Variants in ASPH observed in about 807,000 individuals in gnomAD.
ASPH encodes aspartyl/asparaginyl beta-hydroxylase.
A neutral mutation model predicts 118.4 loss-of-function variants in ASPH; 100 were observed. That is an observed-to-expected ratio of 0.84 (90% confidence interval 0.72 to 1.00). The LOEUF (loss-of-function observed/expected upper bound fraction) is 1.00. ASPH is among the 50% of genes least tolerant of loss of function. The pLI, the probability that ASPH is intolerant of heterozygous loss-of-function variation, is 0.00. For missense variants in ASPH, 920 were observed against 919.5 expected (o/e 1.00, Z -0.01); for synonymous variants, 315 against 325.6 (o/e 0.97, Z 0.35).
chr8:61,664,365 T>C (rs879815788), intron 3 of ASPH: 1 of 975,228 alleles, frequency 1.0e-6, no homozygotes, highest in Non-Finnish European at 1.2e-6. Context: ...TACATTCTAA[T>C]CTGAAATAAT....
chr8:61,632,417 C>T (rs756618456), intron 13 of ASPH, among the ~76,000 whole-genome samples: 15 of 152,072 alleles, frequency 9.9e-5, no homozygotes, highest in Admixed American at 7.9e-4. Context: ...GAATAGTCAT[C>T]AAAATGCTAA....
chr8:61,622,853 C>G (rs557348849), intron 13 of ASPH, among the ~76,000 whole-genome samples: 1 of 152,282 alleles, frequency 6.6e-6, no homozygotes, highest in South Asian at 2.1e-4. Flanking sequence ...ACACAGTACT[C>G]CGCAGAGTGG....
intron 16 of ASPH, among the ~76,000 whole-genome samples, chr8:61,567,937 G>T (rs1484357543): frequency 6.6e-6 from 1 of 152,094 alleles, no homozygotes; most frequent in African/African-American, 2.4e-5. Flanking sequence ...AAGAAGAGAG[G>T]GAGCAAATTA....
chr8:61,708,146 A>G (rs545253655), intron 1 of ASPH, among the ~76,000 whole-genome samples: 1 of 152,332 alleles, frequency 6.6e-6, no homozygotes, highest in South Asian at 2.1e-4. Flanking sequence ...ATGGGCATCC[A>G]CTGCATTACT....
intron 5 of ASPH, among the ~76,000 whole-genome samples, chr8:61,648,867 T>TG (rs11424757): frequency 0.18 from 28,079 of 152,078 alleles, 2,737 homozygotes; most frequent in South Asian, 0.35. Flanking sequence ...TGCACCATGA[T>TG]GGGGGCAGGG....
At chr8:61,663,538 C>G in intron 3 of ASPH, 2 of 985,372 alleles carry the variant, frequency 2.0e-6, no homozygotes, top group Non-Finnish European at 2.4e-6. Context: ...AACTCTGATT[C>G]CAGGTCTAGA....
intron 19 of ASPH, among the ~76,000 whole-genome samples, chr8:61,554,109 T>C (rs7844559): frequency 0.3 from 46,172 of 151,990 alleles, 9,379 homozygotes; most frequent in African/African-American, 0.58. Flanking sequence ...CAGTAAGCCA[T>C]CCTATGTCAA....
chr8:61,600,873 G>A (rs532013314), intron 14 of ASPH, among the ~76,000 whole-genome samples: 12 of 151,190 alleles, frequency 7.9e-5, no homozygotes, highest in East Asian at 3.9e-4. Flanking sequence ...AGACAAATAC[G>A]TTAAAAGCAA....
chr8:61,624,249 C>T, intron 13 of ASPH: 13 of 985,212 alleles, frequency 1.3e-5, no homozygotes, highest in Non-Finnish European at 1.6e-5. Context: ...AAAGGTGGAG[C>T]AGGCTGTCCA....
In ASPH at chr8:61,562,971, C is replaced by T. The variant is rs1830510910; in HGVS notation, c.1301-91G>A. 3.9e-6 allele frequency: 5 copies of T among 1,290,810 alleles called. No homozygotes were observed. The Admixed American group carries it at 1.3e-4, about 33-fold the overall frequency. 80.0% of individuals were successfully genotyped at this position (1,290,810 alleles called of 1,614,324 possible). A position where few individuals can be genotyped will look rare whatever the true frequency, so the allele number is the denominator to read the frequency against. On this transcript the variant is annotated intron_variant, in intron 17 of 24. Coordinates refer to ENST00000379454, the MANE Select transcript of ASPH (RefSeq NM_004318.4). ...ATGTAAGTCATGAGAGACTATTCAC[C>T]AGAGCCTGAGAACCAGCTCAAATCT...
intron 3 of ASPH, among the ~76,000 whole-genome samples, chr8:61,666,094 T>C (rs1036387471): frequency 2.0e-5 from 3 of 152,196 alleles, no homozygotes; most frequent in Non-Finnish European, 2.9e-5. Context: ...AAATTAAATA[T>C]AATTTCATTT....
intron 3 of ASPH, among the ~76,000 whole-genome samples, chr8:61,666,513 T>C (rs573703947): frequency 1.8e-4 from 28 of 152,306 alleles, no homozygotes; most frequent in African/African-American, 6.7e-4. Context: ...AAATATTTCT[T>C]TAATATAATA....
chr8:61,623,334 C>A (rs1851623072), intron 13 of ASPH, among the ~76,000 whole-genome samples: 1 of 152,252 alleles, frequency 6.6e-6, no homozygotes, highest in Admixed American at 6.5e-5. Flanking sequence ...ACCTGTTTTG[C>A]CATTTTTATG....
Position 61,502,139 on chromosome 8 carries a change from G to A in ASPH, c.*1220C>T, listed in dbSNP as rs1173419577. On this transcript the variant is annotated 3_prime_UTR_variant, in exon 25 of 25. Transcript: ENST00000379454. ...TTTACCTATTATTTCTATGTTGTGG[G>A]TAATGTTAAAACTAAATACAGATGA... The A allele has an allele frequency of 1.3e-5, 2 of 152,156 alleles. No individual in the cohort carries two copies. The highest frequency in any genetic ancestry group is 2.9e-5 in the Non-Finnish European group (2 of 68,028). 9.4% of individuals were successfully genotyped at this position (152,156 alleles called of 1,614,324 possible). A position where few individuals can be genotyped will look rare whatever the true frequency, so the allele number is the denominator to read the frequency against.
intron 4 of ASPH, among the ~76,000 whole-genome samples, chr8:61,651,842 A>G (rs374133618): frequency 5.3e-5 from 8 of 152,248 alleles, no homozygotes; most frequent in African/African-American, 1.9e-4. Flanking sequence ...CACAATGAAC[A>G]AGAAGCTATA....
rs558565040 is a variant in ASPH, at chr8:61,634,959, G to A, written c.890-1232C>T. ...TATGAAATTTCTTCTGGTATATGAT[G>A]TAATAACATGATTTCTAAAAAGTAA... is the stretch of plus-strand genomic sequence containing the variant. On this transcript the variant is annotated intron_variant, in intron 12 of 24. Coordinates refer to ENST00000379454, the MANE Select transcript of ASPH (RefSeq NM_004318.4). 2.0e-5 allele frequency among the ~76,000 whole-genome samples: 3 copies of A among 152,256 alleles called. No homozygotes were observed. In the South Asian group the frequency reaches 6.2e-4, roughly 32 times the overall value.
rs555753674 is a variant in ASPH, at chr8:61,664,391, G to A, written c.323-10731C>T. On this transcript the variant is annotated intron_variant, in intron 3 of 24. Transcript: ENST00000379454. ...CTGAAATAATTAAAACCTTTCTATA[G>A]TTATTCTAAGACTATAAAGGTATCA... The A allele has an allele frequency of 4.1e-6, 4 of 973,306 alleles. No homozygotes were observed. In the African/African-American group the frequency reaches 5.3e-5, roughly 13 times the overall value. The allele number at this position is 973,306 out of a possible 1,614,324, so 60.3% of individuals were successfully genotyped here.
intron 10 of ASPH, 111 bp from the exon 11 acceptor site, chr8:61,638,474 G>A (rs1389879667): frequency 1.5e-5 from 14 of 947,424 alleles, no homozygotes; most frequent in Non-Finnish European, 2.3e-5. Flanking sequence ...AACCTGCAAG[G>A]TTCAGTCACT....
intron 8 of ASPH, 40 bp downstream of exon 8, chr8:61,643,905 A>AATCAGAAAAC (rs1806538360): frequency 4.5e-6 from 7 of 1,553,010 alleles, no homozygotes; most frequent in Non-Finnish European, 5.3e-6. Context: ...CCACTGCCTC[A>AATCAGAAAAC]ATCAGAAAAC....
Sources: gnomAD v4.1 joint callset for allele counts (sites outside exome capture counted in the v4.1 genomes callset) on GRCh38, gnomAD v4.1.1 for gene constraint, MANE v1.5 for transcripts, NCBI Gene and HGNC (gene_info 2026-07-23, HGNC 2026-07-21) for gene names.